Variants in MARS1 observed in about 807,000 individuals in gnomAD.
MARS1 encodes the protein methionyl-tRNA synthetase 1, also known as methionine--tRNA ligase, cytoplasmic.
In MARS1, 80 loss-of-function variants were observed where a neutral mutation model predicts 119.5. That is an observed-to-expected ratio of 0.67 (90% CI 0.56 to 0.81). The LOEUF (loss-of-function observed/expected upper bound fraction) is 0.81, where lower values mean the gene tolerates loss of function less well. Ranked by LOEUF, MARS1 falls within the 30% of genes least tolerant of loss-of-function variation. MARS1 has a pLI of 0.00. For missense variants in MARS1, 945 were observed against 1,116.5 expected (o/e 0.85, Z 2.19); for synonymous variants, 418 against 433.4 (o/e 0.96, Z 0.44).
rs1475199577 is a variant in MARS1 at position 57,512,298 on chromosome 12, C to T, written c.1698C>T (p.Cys566=). 6.2e-7 allele frequency: 1 copy of T among 1,614,032 alleles called. No individual in the cohort carries two copies. Among genetic ancestry groups the T allele is most frequent in the Non-Finnish European group, 8.5e-7 (1 of 1,180,032 alleles). ...CTTTCCATAGCTTAGTCTTTCCTTG[C>T]TCAGCCCTAGGAGCTGAGGATAACT... is the stretch of plus-strand genomic sequence containing the variant. ...NVPFHSLVFP[C]SALGAEDNYT... The change falls in exon 14 of 21, where the codon TGC becomes TGT. Residue 566 remains cysteine (C), a synonymous_variant. Coordinates refer to ENST00000262027, the MANE Select transcript of MARS1 (RefSeq NM_004990.4).
intron 9 of MARS1, among the ~76,000 whole-genome samples, chr12:57,499,140 T>G (rs1048590218): frequency 6.7e-6 from 1 of 149,502 alleles, no homozygotes; most frequent in Non-Finnish European, 1.5e-5. Context: ...AAAAATTAGT[T>G]GGGCGTGGTT....
At chr12:57,500,868 A>G (rs1876885510) in intron 10 of MARS1, among the ~76,000 whole-genome samples, 1 of 152,190 alleles carries the variant, frequency 6.6e-6, no homozygotes, top group Non-Finnish European at 1.5e-5. Context: ...CATTTATTCA[A>G]CATACATTTT....
At chr12:57,493,389 T>A (rs1415690148) in intron 7 of MARS1, among the ~76,000 whole-genome samples, 2 of 20,752 alleles carry the variant, frequency 9.6e-5, no homozygotes, top group African/African-American at 4.6e-4. Context: ...ATATAATATA[T>A]TATATATAAT....
At chr12:57,511,142 TA>T (rs368042156) in intron 11 of MARS1, among the ~76,000 whole-genome samples, 9 of 148,948 alleles carry the variant, frequency 6.0e-5, no homozygotes, top group African/African-American at 1.7e-4. Flanking sequence ...TTTTAAAAAT[TA>T]AAAAAAAAAA....
At chr12:57,515,363 A>C (rs1877747787) in intron 18 of MARS1, 27 bp downstream of exon 18, 2 of 1,604,238 alleles carry the variant, frequency 1.2e-6, no homozygotes, top group Non-Finnish European at 1.7e-6. Flanking sequence ...GCCTCTCTTA[A>C]AATTGATACT....
rs1346772955 is a variant in MARS1 at position 57,498,257 on chromosome 12, G to A, written c.871G>A (p.Ala291Thr). ...GAACATCATTGGTTGTGTGCTCAGT[G>A]CCGATGTCTTTGCCAGGTGGAGCCA... is the stretch of plus-strand genomic sequence containing the variant. The part of the protein sequence containing the change: ...LGNIIGCVLS[A>T]DVFARYSRLR... Residue 291 changes from alanine to threonine, a missense_variant, in exon 8 of 21, where the codon GCC becomes ACC. Ala to Thr is a moderately conservative substitution (Grantham distance 58). Coordinates refer to ENST00000262027, the MANE Select transcript of MARS1 (RefSeq NM_004990.4). 2 of 1,614,026 alleles carry A rather than the reference G, an allele frequency of 1.2e-6. No homozygotes were observed. Among genetic ancestry groups the A allele is most frequent in the Admixed American group, 3.3e-5 (2 of 60,008 alleles).
intron 11 of MARS1, among the ~76,000 whole-genome samples, chr12:57,505,751 ACAGTGAG>A (rs776166123): frequency 1.7e-4 from 26 of 152,040 alleles, no homozygotes; most frequent in Non-Finnish European, 3.4e-4. Context: ...GTTTGAGGTT[ACAGTGAG>A]CTGTGATTGT....
chr12:57,514,658 A>G, intron 15 of MARS1, 62 bp from the exon 16 acceptor site: 3 of 1,603,292 alleles, frequency 1.9e-6, no homozygotes, highest in Non-Finnish European at 2.6e-6. Context: ...AAATTCTAAC[A>G]AGGAGACGGG....
At chr12:57,495,467 A>G (rs1348656362) in intron 7 of MARS1, among the ~76,000 whole-genome samples, 5 of 151,466 alleles carry the variant, frequency 3.3e-5, no homozygotes, top group African/African-American at 9.7e-5. Flanking sequence ...GACGCTTCTC[A>G]CTTCCTAGAC....
In MARS1 at chr12:57,516,628, T is replaced by A; in HGVS notation, c.*47T>A. The A allele has an allele frequency of 6.5e-7, 1 of 1,535,216 alleles. No individual in the cohort carries two copies. Among genetic ancestry groups the A allele is most frequent in the Non-Finnish European group, 8.7e-7 (1 of 1,146,330 alleles). On this transcript the variant is annotated 3_prime_UTR_variant, in exon 21 of 21. Coordinates refer to ENST00000262027, the MANE Select transcript of MARS1 (RefSeq NM_004990.4). Reference sequence around the variant, plus strand: ...TCACTTTAATAGATAGGGACAGTAATAAATAAATGTACAATCTCTATATAC... The same window carrying A: ...TCACTTTAATAGATAGGGACAGTAAAAAATAAATGTACAATCTCTATATAC...
At chr12:57,493,790 T>A (rs1428572212) in intron 7 of MARS1, among the ~76,000 whole-genome samples, 1 of 1,846 alleles carries the variant, frequency 5.4e-4, no homozygotes, top group African/African-American at 1.9e-3. Context: ...TATTATATAT[T>A]ATATATTATA....
intron 4 of MARS1, 64 bp from the exon 5 acceptor site, chr12:57,489,820 AAATGTTAGATAT>A: frequency 7.4e-7 from 1 of 1,350,362 alleles, no homozygotes. Flanking sequence ...AGTGCTCAGT[AAATGTTAGATAT>A]TACCATTGGG....
In MARS1 at chr12:57,502,493, G is replaced by GGTCA. The variant is rs1307882725; in HGVS notation, c.1294-1730_1294-1727dup. The stretch of plus-strand genomic sequence containing the variant: ...AAGCTGAGGCGGCCGGATCACCTGA[G>GGTCA]GTCAGGAGTTCAGACCAGTCTGACC... On this transcript the variant is annotated intron_variant, in intron 10 of 20. Transcript: ENST00000262027. Among the ~76,000 whole-genome samples, 7 of 151,858 alleles carry GGTCA rather than the reference G, an allele frequency of 4.6e-5. No individual in the cohort carries two copies. The East Asian group carries it at 1.2e-3, about 25-fold the overall frequency.
intron 11 of MARS1, among the ~76,000 whole-genome samples, chr12:57,505,064 G>A (rs977400238): frequency 6.6e-6 from 1 of 152,004 alleles, no homozygotes; most frequent in African/African-American, 2.4e-5. Flanking sequence ...ACCCAGGCTG[G>A]TGTCAAACTC....
At position 57,490,518 on chromosome 12, in the gene MARS1, A is replaced by G; in HGVS notation, c.664-20A>G. ...GTGGGCCCTCCTCACCTGGTAAGGG[A>G]TTCTCTCCACTCTTTATAGGAGGAG... On this transcript the variant is annotated intron_variant, in intron 6 of 20. Coordinates refer to ENST00000262027, the MANE Select transcript of MARS1 (RefSeq NM_004990.4). 1.2e-6 allele frequency: 2 copies of G among 1,613,244 alleles called. No individual in the cohort carries two copies. Among genetic ancestry groups the G allele is most frequent in the South Asian group, 1.1e-5 (1 of 91,058 alleles).
At position 57,498,259 on chromosome 12, in the gene MARS1, C is replaced by A; in HGVS notation, c.873C>A (p.Ala291=). 2 of 1,614,028 alleles carry A rather than the reference C, an allele frequency of 1.2e-6. No homozygotes were observed. Among genetic ancestry groups the A allele is most frequent in the South Asian group, 2.2e-5 (2 of 91,072 alleles). The change falls in exon 8 of 21, where the codon GCC becomes GCA. Residue 291 remains alanine, a synonymous_variant. Transcript: ENST00000262027. ...LGNIIGCVLS[A]DVFARYSRLR... Reference sequence around the variant, plus strand: ...ACATCATTGGTTGTGTGCTCAGTGCCGATGTCTTTGCCAGGTGGAGCCAGC... The same window carrying A: ...ACATCATTGGTTGTGTGCTCAGTGCAGATGTCTTTGCCAGGTGGAGCCAGC...
chr12:57,508,794 T>C (rs1377001505), intron 11 of MARS1, among the ~76,000 whole-genome samples: 2 of 152,150 alleles, frequency 1.3e-5, no homozygotes, highest in Non-Finnish European at 2.9e-5. Flanking sequence ...ACTTCTGACC[T>C]CAAATGATTC....
intron 15 of MARS1, among the ~76,000 whole-genome samples, chr12:57,513,931 C>T (rs1013349159): frequency 2.0e-5 from 3 of 151,030 alleles, no homozygotes; most frequent in South Asian, 2.1e-4. Context: ...GGCGTGGTGG[C>T]GCACATCTGT....
At chr12:57,489,712 A>G (rs954179864) in intron 4 of MARS1, 154 bp downstream of exon 4, 6 of 1,203,496 alleles carry the variant, frequency 5.0e-6, no homozygotes, top group Non-Finnish European at 7.1e-6. Context: ...AATTTTTTTC[A>G]GTTGTGAAAT....
Sources: gnomAD v4.1 joint callset for allele counts (sites outside exome capture counted in the v4.1 genomes callset) on GRCh38, gnomAD v4.1.1 for gene constraint, MANE v1.5 for transcripts, NCBI Gene and HGNC (gene_info 2026-07-23, HGNC 2026-07-21) for gene names.